The following ELAVL2 variants were observed in gnomAD, a reference collection of about 807,000 sequenced individuals.
ELAVL2 encodes the protein ELAV like RNA binding protein 2, also known as ELAV-like protein 2.
A neutral mutation model predicts 34.6 loss-of-function variants in ELAVL2; 4 were observed. That is an observed-to-expected ratio of 0.12 (90% CI 0.06 to 0.26). The LOEUF (loss-of-function observed/expected upper bound fraction) is 0.26. Among genes scored for constraint, ELAVL2 ranks in the 10% least tolerant of loss-of-function variants. ELAVL2 has a pLI of 1.00. For synonymous variants in ELAVL2, 193 were observed against 154.8 expected, an observed-to-expected ratio of 1.25 and a Z score of -1.83; for missense variants, 432 against 442.8, an observed-to-expected ratio of 0.98 and a Z score of 0.22.
chr9:23,749,427 C>G (rs2051329783), intron 2 of ELAVL2, among the ~76,000 whole-genome samples: 1 of 152,022 alleles, frequency 6.6e-6, no homozygotes, highest in Non-Finnish European at 1.5e-5. Context: ...TGTTAATTAG[C>G]ATAACGAGTG....
the ELAVL2 span, among the ~76,000 whole-genome samples, chr9:23,837,236 G>A: frequency 2.0e-5 from 3 of 152,294 alleles, no homozygotes; most frequent in East Asian, 1.9e-4. Context: ...GCTGCTCTGC[G>A]TAGCCCAGGA....
At chr9:23,753,132 G>A (rs757840294) in intron 2 of ELAVL2, among the ~76,000 whole-genome samples, 3 of 152,120 alleles carry the variant, frequency 2.0e-5, no homozygotes, top group Admixed American at 1.3e-4. Context: ...CCACTGTATA[G>A]ACCTGACAAA....
chr9:23,730,964 A>T, intron 3 of ELAVL2, 58 bp downstream of exon 3: 2 of 1,484,670 alleles, frequency 1.3e-6, no homozygotes, highest in Non-Finnish European at 1.8e-6. Flanking sequence ...CTACAAATAA[A>T]TCTTAATTTT....
At chr9:23,742,958 T>C (rs2049620953) in intron 2 of ELAVL2, among the ~76,000 whole-genome samples, 1 of 152,076 alleles carries the variant, frequency 6.6e-6, no homozygotes, top group South Asian at 2.1e-4. Context: ...GGTGGGGGTA[T>C]AAATGCTGAG....
At chr9:23,703,235 T>C (rs1016603133) in intron 4 of ELAVL2, among the ~76,000 whole-genome samples, 16 of 152,232 alleles carry the variant, frequency 1.1e-4, no homozygotes, top group Non-Finnish European at 2.9e-5. Flanking sequence ...CTTTGTGTCA[T>C]AGGTGAAACC....
intron 3 of ELAVL2, among the ~76,000 whole-genome samples, chr9:23,713,811 T>C (rs2041639395): frequency 6.6e-6 from 1 of 152,142 alleles, no homozygotes; most frequent in African/African-American, 2.4e-5. Flanking sequence ...ACTATGAAAC[T>C]AGAGGTTAGG....
At chr9:23,785,223 C>T (rs2059540930) in intron 1 of ELAVL2, among the ~76,000 whole-genome samples, 1 of 152,114 alleles carries the variant, frequency 6.6e-6, no homozygotes, top group Non-Finnish European at 1.5e-5. Flanking sequence ...GAGCCACTCC[C>T]AGAGTTCACA....
chr9:23,742,835 G>C (rs964210374), intron 2 of ELAVL2, among the ~76,000 whole-genome samples: 7 of 152,152 alleles, frequency 4.6e-5, no homozygotes, highest in Admixed American at 2.0e-4. Context: ...AGTTAATCAA[G>C]AGGGTAGGAG....
At chr9:23,713,392 G>C (rs1564018915) in intron 3 of ELAVL2, among the ~76,000 whole-genome samples, 2 of 152,178 alleles carry the variant, frequency 1.3e-5, no homozygotes, top group Non-Finnish European at 2.9e-5. Flanking sequence ...GTGGCAGTAG[G>C]CTAGCCATTC....
chr9:23,838,239 G>A, the ELAVL2 span, among the ~76,000 whole-genome samples: 21 of 151,680 alleles, frequency 1.4e-4, no homozygotes, highest in African/African-American at 5.1e-4. Flanking sequence ...TATTGGGTTT[G>A]TAAAAATTTT....
chr9:23,769,863 G>A (rs2056984430), intron 1 of ELAVL2, among the ~76,000 whole-genome samples: 1 of 152,170 alleles, frequency 6.6e-6, no homozygotes. Context: ...GTCTTTCTGA[G>A]GTTTTGTAGT....
At chr9:23,788,746 G>A (rs527803170) in intron 1 of ELAVL2, among the ~76,000 whole-genome samples, 36 of 152,274 alleles carry the variant, frequency 2.4e-4, no homozygotes, top group Non-Finnish European at 4.7e-4. Flanking sequence ...ACTTGAACAC[G>A]AGCAGTGCAA....
Position 23,701,559 on chromosome 9 carries a change from T to G in ELAVL2, c.533A>C (p.Glu178Ala). The G allele has an allele frequency of 6.2e-7, 1 of 1,614,074 alleles. No individual in the cohort carries two copies. The highest frequency in any genetic ancestry group is 8.5e-7 in the Non-Finnish European group (1 of 1,179,990). Residue 178 changes from glutamate (E) to alanine (A), a missense_variant, in exon 5 of 7, where the codon GAG becomes GCG. Glu to Ala is a moderately radical substitution (Grantham distance 107, BLOSUM62 -1). Coordinates refer to ENST00000397312, the MANE Select transcript of ELAVL2 (RefSeq NM_004432.5). ...VGFIRFDKRI[E>A]AEEAIKGLNG... is the part of the protein sequence containing the mutation. ...TAGGCCTTTGATAGCTTCTTCTGCC[T>G]CAATTCGCTTGTCAAATCGAATAAA...
chr9:23,694,585 G>C (rs570053510), intron 5 of ELAVL2, among the ~76,000 whole-genome samples: 43 of 152,312 alleles, frequency 2.8e-4, no homozygotes, highest in Middle Eastern at 3.4e-3. Flanking sequence ...CCCGTGAAAG[G>C]TAAGTTTGAA....
chr9:23,840,570 T>C, the ELAVL2 span, among the ~76,000 whole-genome samples: 4 of 152,154 alleles, frequency 2.6e-5, no homozygotes, highest in East Asian at 3.9e-4. Flanking sequence ...TTTTATACTT[T>C]GTGTTATACT....
At chr9:23,751,122 G>A (rs571060344) in intron 2 of ELAVL2, among the ~76,000 whole-genome samples, 132 of 152,182 alleles carry the variant, frequency 8.7e-4, no homozygotes, top group African/African-American at 2.9e-3. Flanking sequence ...GCAAATTTTT[G>A]TTGAGCTAGA....
intron 2 of ELAVL2, among the ~76,000 whole-genome samples, chr9:23,755,899 A>T (rs1485446818): frequency 6.6e-6 from 1 of 152,194 alleles, no homozygotes; most frequent in Non-Finnish European, 1.5e-5. Flanking sequence ...GACATTTCAC[A>T]TGCTCACTGT....
At chr9:23,802,351 C>G (rs1392432870) in intron 1 of ELAVL2, among the ~76,000 whole-genome samples, 3 of 152,170 alleles carry the variant, frequency 2.0e-5, no homozygotes, top group Non-Finnish European at 2.9e-5. Flanking sequence ...AATTTTTAGA[C>G]AGAGAAAGCA....
chr9:23,806,620 T>G (rs976361781), intron 1 of ELAVL2, among the ~76,000 whole-genome samples: 1 of 147,916 alleles, frequency 6.8e-6, no homozygotes, highest in African/African-American at 2.5e-5. Context: ...CTAAATCTCT[T>G]AAAAAAAAAA....
Sources: allele counts gnomAD v4.1 joint callset (sites outside exome capture counted in the v4.1 genomes callset), GRCh38; gene constraint gnomAD v4.1.1; transcripts MANE v1.5; gene names NCBI Gene and HGNC (gene_info 2026-07-23, HGNC 2026-07-21).